The following MRAP2 variants were observed in gnomAD, a reference collection of about 807,000 sequenced individuals.
MRAP2 encodes melanocortin 2 receptor accessory protein 2.
Under a neutral mutation model 17.4 loss-of-function variants are expected in MRAP2, and 20 were observed. That is an observed-to-expected ratio of 1.15 (90% CI 0.81 to 1.67). The LOEUF is 1.67. Among genes scored for constraint, MRAP2 ranks in the 40% most tolerant of loss-of-function variants. The pLI, the probability that MRAP2 is intolerant of heterozygous loss-of-function variation, is 0.00. For missense variants in MRAP2, 238 were observed against 240.0 expected (o/e 0.99, Z 0.05); for synonymous variants, 96 against 88.4 (o/e 1.09, Z -0.48).
intron 3 of MRAP2, among the ~76,000 whole-genome samples, chr6:84,063,749 T>A (rs568434530): frequency 2.0e-5 from 3 of 152,184 alleles, no homozygotes; most frequent in Admixed American, 2.0e-4. Context: ...CAGGCAACAG[T>A]AATTAAAAGA....
intron 3 of MRAP2, among the ~76,000 whole-genome samples, chr6:84,077,103 T>C (rs1442372702): frequency 2.0e-5 from 3 of 152,160 alleles, no homozygotes; most frequent in Non-Finnish European, 2.9e-5. Flanking sequence ...ATGAATCCAA[T>C]TACAGCACAT....
intron 3 of MRAP2, among the ~76,000 whole-genome samples, chr6:84,085,936 A>C (rs912975439): frequency 6.6e-6 from 1 of 152,252 alleles, no homozygotes; most frequent in African/African-American, 2.4e-5. Context: ...GCTTAGCCTG[A>C]GTGAAGACTC....
At chr6:84,060,779 G>A (rs1053516877) in intron 2 of MRAP2, among the ~76,000 whole-genome samples, 12 of 151,398 alleles carry the variant, frequency 7.9e-5, no homozygotes, top group African/African-American at 1.5e-4. Flanking sequence ...TCCACCTGCC[G>A]GGTTCACGCC....
At chr6:84,063,664 A>T (rs2099493743) in intron 3 of MRAP2, among the ~76,000 whole-genome samples, 1 of 152,250 alleles carries the variant, frequency 6.6e-6, no homozygotes, top group African/African-American at 2.4e-5. Context: ...ATATTAAAGG[A>T]TTTATATATT....
chr6:84,119,347 C>T, the MRAP2 span, among the ~76,000 whole-genome samples: 4 of 152,186 alleles, frequency 2.6e-5, no homozygotes, highest in African/African-American at 9.6e-5. Context: ...CAATTTCTTT[C>T]ACCTAAGTTT....
At chr6:84,128,626 T>C in the MRAP2 span, among the ~76,000 whole-genome samples, 4 of 152,166 alleles carry the variant, frequency 2.6e-5, no homozygotes, top group Non-Finnish European at 5.9e-5. Context: ...ACTACTCTTT[T>C]GGTTGTGATG....
the MRAP2 span, among the ~76,000 whole-genome samples, chr6:84,138,747 T>C: frequency 2.6e-5 from 4 of 152,326 alleles, no homozygotes; most frequent in East Asian, 1.9e-4. Context: ...ACTGACTTCA[T>C]TATCTTGCAA....
chr6:84,139,069 G>C, the MRAP2 span, among the ~76,000 whole-genome samples: 2 of 152,106 alleles, frequency 1.3e-5, no homozygotes, highest in Non-Finnish European at 2.9e-5. Context: ...AGCTTTCCTG[G>C]CCTTTCACAC....
the MRAP2 span, among the ~76,000 whole-genome samples, chr6:84,113,218 G>C: frequency 6.6e-6 from 1 of 152,080 alleles, no homozygotes; most frequent in African/African-American, 2.4e-5. Context: ...TATTGTGTGG[G>C]AGTCTAAGTC....
downstream of MRAP2, among the ~76,000 whole-genome samples, chr6:84,095,558 G>A (rs1208760831): frequency 6.6e-6 from 1 of 152,124 alleles, no homozygotes; most frequent in Non-Finnish European, 1.5e-5. Context: ...ACCACCTCAG[G>A]TTAAATTCAA....
chr6:84,097,679 AACTC>A, the MRAP2 span, among the ~76,000 whole-genome samples: 1 of 152,172 alleles, frequency 6.6e-6, no homozygotes, highest in Non-Finnish European at 1.5e-5. Context: ...AGACTCTACT[AACTC>A]TAATGCCTAA....
At chr6:84,074,628 C>G (rs888431791) in intron 3 of MRAP2, among the ~76,000 whole-genome samples, 1 of 152,214 alleles carries the variant, frequency 6.6e-6, no homozygotes, top group South Asian at 2.1e-4. Context: ...TGCCCTGACT[C>G]CCTGTGCCCG....
chr6:84,144,261 T>C, the MRAP2 span, among the ~76,000 whole-genome samples: 8 of 152,054 alleles, frequency 5.3e-5, no homozygotes, highest in Non-Finnish European at 5.9e-5. Context: ...ATGTTTAATC[T>C]TCTTTGAGTT....
At chr6:84,060,014 G>T (rs1196864631) in intron 2 of MRAP2, among the ~76,000 whole-genome samples, 1 of 152,138 alleles carries the variant, frequency 6.6e-6, no homozygotes, top group East Asian at 1.9e-4. Flanking sequence ...AGAGGCTCAG[G>T]GTGAGAAAAT....
chr6:84,083,241 C>T (rs1048412054), intron 3 of MRAP2, among the ~76,000 whole-genome samples: 2 of 152,156 alleles, frequency 1.3e-5, no homozygotes, highest in Admixed American at 6.5e-5. Context: ...GGATTTTGAG[C>T]GTTATTCCCA....
rs1332546862 is a variant in MRAP2 at position 84,045,712 on chromosome 6, G to C, written c.-7-9600G>C. Among the ~76,000 whole-genome samples the C allele has an allele frequency of 2.6e-5, 4 of 152,144 alleles. No homozygotes were observed. The East Asian group carries it at 7.8e-4, about 29-fold the overall frequency. ...CAGGAGGCAGAGGTTGCATTGAGCT[G>C]AGATCACGCCACTGCACTCCAGCCT... On this transcript the variant is annotated intron_variant, in intron 1 of 3. Coordinates refer to ENST00000257776, the MANE Select transcript of MRAP2 (RefSeq NM_138409.4).
chr6:84,120,628 C>T, the MRAP2 span, among the ~76,000 whole-genome samples: 6 of 152,182 alleles, frequency 3.9e-5, no homozygotes, highest in East Asian at 1.9e-4. Context: ...AATATAGAAT[C>T]GTCATCAAAA....
chr6:84,056,212 T>A (rs1378404978), intron 2 of MRAP2, among the ~76,000 whole-genome samples: 1 of 152,226 alleles, frequency 6.6e-6, no homozygotes, highest in East Asian at 1.9e-4. Flanking sequence ...CTGTAAAATT[T>A]TTATGCTCTT....
chr6:84,082,569 C>T (rs575662701), intron 3 of MRAP2, among the ~76,000 whole-genome samples: 7 of 152,070 alleles, frequency 4.6e-5, no homozygotes, highest in Non-Finnish European at 7.4e-5. Context: ...CCTTCCTTAC[C>T]GAAAGTGCAT....
Sources: gnomAD v4.1 joint callset for allele counts (sites outside exome capture counted in the v4.1 genomes callset) on GRCh38, gnomAD v4.1.1 for gene constraint, MANE v1.5 for transcripts, NCBI Gene and HGNC (gene_info 2026-07-23, HGNC 2026-07-21) for gene names.